The following NFASC variants were observed in gnomAD, a reference collection of about 807,000 sequenced individuals.
NFASC encodes neurofascin.
A neutral mutation model predicts 147.5 loss-of-function variants in NFASC; 43 were observed. The observed-to-expected ratio is 0.29, with a 90% confidence interval of 0.23 to 0.38. The LOEUF (loss-of-function observed/expected upper bound fraction) is 0.38. NFASC is among the 10% of genes least tolerant of loss of function. The pLI is 1.00. For missense variants in NFASC, 1,320 were observed against 1,689.0 expected (o/e 0.78, Z 3.83); for synonymous variants, 622 against 665.5 (o/e 0.93, Z 1.01).
intron 21 of NFASC, among the ~76,000 whole-genome samples, chr1:204,982,812 G>A (rs915791217): frequency 6.6e-6 from 1 of 152,248 alleles, no homozygotes; most frequent in Non-Finnish European, 1.5e-5. Flanking sequence ...GATCATGTAG[G>A]TGGATGGAGT....
chr1:204,977,714 C>T lies in NFASC; in HGVS notation c.1865C>T (p.Ala622Val). 1 of 1,610,096 alleles carries T rather than the reference C, an allele frequency of 6.2e-7. No homozygotes were observed. ...GCCACTCCAACTAACCGTTTGGCTG[C>T]CCTGCCCAAAGGTAATTCCCACTAA... ...DQATPTNRLA[A>V]LPKGRPDRPR... Residue 622 changes from alanine (A) to valine (V), a missense_variant, in exon 17 of 30, where the codon GCC becomes GTC. By Grantham distance (64) the Ala-to-Val change is moderately conservative. This residue lies in a region of NFASC where 981 missense variants were observed against 1,289.5 expected (regional missense o/e 0.76). Transcript: ENST00000339876.
chr1:204,988,891 C>T (rs570171994), intron 23 of NFASC, 85 bp downstream of exon 23: 1 of 1,342,142 alleles, frequency 7.5e-7, no homozygotes, highest in Non-Finnish European at 1.1e-6. Flanking sequence ...TAGCTGGCTG[C>T]CTGGGATGGA....
intron 1 of NFASC, among the ~76,000 whole-genome samples, chr1:204,835,536 C>G (rs1268197751): frequency 1.3e-5 from 2 of 151,992 alleles, no homozygotes; most frequent in African/African-American, 4.8e-5. Flanking sequence ...GCTGGTGGGT[C>G]TTGAGATATC....
At chr1:204,880,700 G>A (rs1432912368) in intron 1 of NFASC, among the ~76,000 whole-genome samples, 1 of 152,146 alleles carries the variant, frequency 6.6e-6, no homozygotes, top group Admixed American at 6.5e-5. Context: ...TCAGAGGTAG[G>A]GGAATGAAAC....
chr1:204,894,001 C>A (rs116243339), intron 1 of NFASC, among the ~76,000 whole-genome samples: 88 of 152,316 alleles, frequency 5.8e-4, no homozygotes, highest in African/African-American at 1.9e-3. Flanking sequence ...AGATTTGGGG[C>A]AGGACTTCAG....
At chr1:204,916,344 G>A (rs2089243778) in intron 1 of NFASC, among the ~76,000 whole-genome samples, 1 of 152,158 alleles carries the variant, frequency 6.6e-6, no homozygotes, top group Admixed American at 6.5e-5. Context: ...TAACCCTAAA[G>A]TCCTATGACT....
At chr1:204,930,208 G>C (rs1360583535) in intron 2 of NFASC, among the ~76,000 whole-genome samples, 1 of 152,110 alleles carries the variant, frequency 6.6e-6, no homozygotes, top group Non-Finnish European at 1.5e-5. Flanking sequence ...GAGCAAATAG[G>C]GTGACATTGA....
chr1:204,931,074 A>C (rs1176005505), intron 2 of NFASC, among the ~76,000 whole-genome samples: 1 of 152,172 alleles, frequency 6.6e-6, no homozygotes, highest in East Asian at 1.9e-4. Context: ...CTTATTCTTT[A>C]AGAAGAAGAA....
rs78438556 is a variant in NFASC at position 204,976,591 on chromosome 1, C to A, written c.1707-80C>A. The A allele has an allele frequency of 4.1e-3, 4,422 of 1,068,614 alleles. 113 individuals carry two copies. The African/African-American group carries it at 0.06, about 14-fold the overall frequency. 66.2% of individuals were successfully genotyped at this position (1,068,614 alleles called of 1,614,324 possible). On this transcript the variant is annotated intron_variant, in intron 15 of 29. Coordinates refer to ENST00000339876, the MANE Select transcript of NFASC (RefSeq NM_001005388.3). ...TCCCTTGCCCTCCTGACTCGAGAAC[C>A]CCCTCTAGGGAGAAAGCAATGGGCA...
At chr1:204,940,400 C>T (rs1206429087) in intron 2 of NFASC, among the ~76,000 whole-genome samples, 2 of 152,184 alleles carry the variant, frequency 1.3e-5, no homozygotes, top group African/African-American at 2.4e-5. Flanking sequence ...CTGCAGTGAG[C>T]CGAGATCATG....
intron 24 of NFASC, chr1:204,993,844 C>T (rs2095793533): frequency 4.0e-6 from 2 of 505,162 alleles, no homozygotes; most frequent in Admixed American, 2.0e-5. Context: ...TCCTCTCCTC[C>T]ACCTCAGCCC....
chr1:204,986,784 A>C lies in NFASC; in HGVS notation c.2471-634A>C. 6.6e-6 allele frequency: 1 copy of C among 151,762 alleles called. No individual in the cohort carries two copies. Among genetic ancestry groups the C allele is most frequent in the Non-Finnish European group, 1.5e-5 (1 of 68,678 alleles). 9.4% of individuals were successfully genotyped at this position (151,762 alleles called of 1,614,324 possible). A position where few individuals can be genotyped will look rare whatever the true frequency, so the allele number is the denominator to read the frequency against. ...TCTCCTCCCTCCCTCTTTAATTGTT[A>C]TTTTCCCCATTTTTCCTCTTCTCTT... On this transcript the variant is annotated intron_variant, in intron 21 of 29. Transcript: ENST00000339876. The surrounding 1 kb of genome is among the most constrained non-coding windows in gnomAD (Gnocchi z 4.2).
At chr1:204,928,182 T>G (rs2091931228) in intron 2 of NFASC, among the ~76,000 whole-genome samples, 1 of 152,216 alleles carries the variant, frequency 6.6e-6, no homozygotes, top group Admixed American at 6.5e-5. Context: ...TCCACAAATC[T>G]TATTTAAGCC....
At chr1:204,902,344 C>T (rs2084815745) in intron 1 of NFASC, among the ~76,000 whole-genome samples, 1 of 152,108 alleles carries the variant, frequency 6.6e-6, no homozygotes, top group Non-Finnish European at 1.5e-5. Context: ...TAAAAGAGGC[C>T]TATTACACAT....
intron 1 of NFASC, among the ~76,000 whole-genome samples, chr1:204,912,287 G>A (rs1436334779): frequency 6.6e-6 from 1 of 151,862 alleles, no homozygotes; most frequent in Non-Finnish European, 1.5e-5. Context: ...CTTCCCCTTA[G>A]CAGTGCTTTA....
chr1:204,992,002 A>G (rs1344362036), intron 24 of NFASC, among the ~76,000 whole-genome samples: 1 of 152,226 alleles, frequency 6.6e-6, no homozygotes, highest in Non-Finnish European at 1.5e-5. Context: ...AGGTAGATCT[A>G]CAGTGGACTA....
chr1:204,906,311 A>T (rs1023566135), intron 1 of NFASC, among the ~76,000 whole-genome samples: 10 of 152,184 alleles, frequency 6.6e-5, no homozygotes, highest in Non-Finnish European at 1.2e-4. Flanking sequence ...CATAAGCAAG[A>T]TACAGAACAT....
intron 8 of NFASC, among the ~76,000 whole-genome samples, chr1:204,965,123 G>T (rs1823367): frequency 1.3e-5 from 2 of 152,128 alleles, no homozygotes; most frequent in African/African-American, 4.8e-5. Flanking sequence ...GAGCTTTAGC[G>T]TATGGACTCT....
At chr1:204,860,700 A>AC (rs761447591) in intron 1 of NFASC, among the ~76,000 whole-genome samples, 8 of 152,170 alleles carry the variant, frequency 5.3e-5, no homozygotes, top group Admixed American at 4.6e-4. Context: ...GACTTTTATT[A>AC]CCCCAAAAGG....
Sources: gnomAD v4.1 joint callset for allele counts (sites outside exome capture counted in the v4.1 genomes callset) on GRCh38, gnomAD v4.1.1 for gene constraint, gnomAD v4.1.1 regional missense constraint, Gnocchi (gnomAD v3.1) non-coding constraint, MANE v1.5 for transcripts, NCBI Gene and HGNC (gene_info 2026-07-23, HGNC 2026-07-21) for gene names.